PCSK5: variants seen among roughly 807,000 people sequenced by gnomAD.
PCSK5 encodes prohormone convertase 5.
A neutral mutation model predicts 233.2 loss-of-function variants in PCSK5; 129 were observed. That is an observed-to-expected ratio of 0.55 (90% CI 0.48 to 0.64). PCSK5 has a LOEUF of 0.64. Ranked by LOEUF, PCSK5 falls within the 30% of genes least tolerant of loss-of-function variation. The probability of loss-of-function intolerance (pLI) is 0.00; values close to 1 mark genes in which losing one functional copy is unlikely to be tolerated. For missense variants in PCSK5, 2,076 were observed against 2,430.1 expected, an observed-to-expected ratio of 0.85 and a Z score of 3.06; for synonymous variants, 825 against 879.2, an observed-to-expected ratio of 0.94 and a Z score of 1.09.
chr9:76,038,554 C>G (rs1023171307), intron 5 of PCSK5, among the ~76,000 whole-genome samples: 2 of 152,158 alleles, frequency 1.3e-5, no homozygotes, highest in Non-Finnish European at 2.9e-5. Flanking sequence ...ATACTTGAAA[C>G]AAAAGCACTT....
intron 2 of PCSK5, among the ~76,000 whole-genome samples, chr9:75,960,336 A>C (rs1259877800): frequency 6.6e-6 from 1 of 152,216 alleles, no homozygotes; most frequent in African/African-American, 2.4e-5. Flanking sequence ...ATTAGTTTGA[A>C]ACAACCAGAG....
intron 17 of PCSK5, among the ~76,000 whole-genome samples, chr9:76,185,674 C>T (rs1433502356): frequency 2.6e-5 from 4 of 152,066 alleles, no homozygotes; most frequent in Non-Finnish European, 5.9e-5. Context: ...AAAGAATTAG[C>T]CACCTAATTC....
At chr9:76,049,905 A>G (rs1176053041) in intron 5 of PCSK5, among the ~76,000 whole-genome samples, 2 of 152,228 alleles carry the variant, frequency 1.3e-5, no homozygotes, top group Non-Finnish European at 2.9e-5. Flanking sequence ...CAAATATTGA[A>G]TGGTATCTTT....
intron 21 of PCSK5, among the ~76,000 whole-genome samples, chr9:76,229,859 C>A (rs73460379): frequency 6.6e-6 from 1 of 152,122 alleles, no homozygotes; most frequent in Non-Finnish European, 1.5e-5. Context: ...TTCTTTCAGC[C>A]CTGTTTGGTC....
intron 20 of PCSK5, chr9:76,194,435 G>A (rs1203224680): frequency 2.6e-5 from 4 of 153,290 alleles, no homozygotes; most frequent in East Asian, 1.9e-4. Flanking sequence ...CTTATTAGAA[G>A]AAGTTTTTTC....
chr9:76,283,060 T>A (rs2131391362), intron 24 of PCSK5, among the ~76,000 whole-genome samples: 1 of 152,334 alleles, frequency 6.6e-6, no homozygotes, highest in African/African-American at 2.4e-5. Flanking sequence ...GACAAGAAAT[T>A]GGTTCTTATG....
At chr9:76,151,481 C>G (rs894796774) in intron 10 of PCSK5, among the ~76,000 whole-genome samples, 5 of 152,166 alleles carry the variant, frequency 3.3e-5, no homozygotes, top group African/African-American at 1.2e-4. Context: ...TCTCCCCTTC[C>G]CCTGCTGACC....
At chr9:76,241,335 G>A (rs975184221) in intron 24 of PCSK5, among the ~76,000 whole-genome samples, 21 of 152,148 alleles carry the variant, frequency 1.4e-4, no homozygotes, top group Admixed American at 2.0e-4. Flanking sequence ...CCAGCTATTC[G>A]GGAGGCTGAG....
chr9:76,150,812 C>A (rs544302758), intron 10 of PCSK5, among the ~76,000 whole-genome samples: 1 of 152,006 alleles, frequency 6.6e-6, no homozygotes, highest in African/African-American at 2.4e-5. Flanking sequence ...TATAAGAGTA[C>A]GCGAAGAAGA....
At chr9:75,953,808 A>G (rs573533388) in intron 2 of PCSK5, among the ~76,000 whole-genome samples, 1 of 151,378 alleles carries the variant, frequency 6.6e-6, no homozygotes, top group South Asian at 2.1e-4. Flanking sequence ...GAGTAATTAG[A>G]CCTTAGTAAA....
intron 2 of PCSK5, among the ~76,000 whole-genome samples, chr9:75,937,946 ATGT>A (rs1427177015): frequency 6.6e-6 from 1 of 152,202 alleles, no homozygotes; most frequent in Non-Finnish European, 1.5e-5. Flanking sequence ...GCTGAAGGAA[ATGT>A]TGTGGCTTGT....
In PCSK5 at chr9:75,982,315, A is replaced by G. The variant is rs377256327; in HGVS notation, c.298-3817A>G. Among the ~76,000 whole-genome samples, 13 of 152,252 alleles carry G rather than the reference A, an allele frequency of 8.5e-5. 1 individual carries two copies. Among genetic ancestry groups the G allele is most frequent in the South Asian group, 8.3e-4 (4 of 4,838 alleles). On this transcript the variant is annotated intron_variant, in intron 2 of 37. Transcript: ENST00000674117. ...AATAACCTCGCACATTCACATGTGTACATAGGTAGGATAAACTCCTAAAAA... is the reference window on the plus strand; with the variant it reads ...AATAACCTCGCACATTCACATGTGTGCATAGGTAGGATAAACTCCTAAAAA...
At chr9:76,353,841 G>A (rs778445445) in intron 36 of PCSK5, among the ~76,000 whole-genome samples, 192 bp from the exon 37 acceptor site, 1 of 152,184 alleles carries the variant, frequency 6.6e-6, no homozygotes, top group Non-Finnish European at 1.5e-5. Context: ...GGGCCCAGCC[G>A]TGATTCCACC....
intron 15 of PCSK5, among the ~76,000 whole-genome samples, chr9:76,180,135 G>A (rs7045212): frequency 0.86 from 128,826 of 149,260 alleles, 55,910 homozygotes; most frequent in African/African-American, 0.96. Flanking sequence ...ACGTACACAC[G>A]TTTTGGAACA....
At chr9:76,218,223 G>T (rs948599898) in intron 20 of PCSK5, among the ~76,000 whole-genome samples, 10 of 152,168 alleles carry the variant, frequency 6.6e-5, no homozygotes, top group African/African-American at 2.4e-4. Context: ...ATTTTCCACA[G>T]CACAGTGCAG....
chr9:76,265,606 T>C (rs1827310475), intron 24 of PCSK5, among the ~76,000 whole-genome samples: 1 of 152,136 alleles, frequency 6.6e-6, no homozygotes, highest in South Asian at 2.1e-4. Context: ...ATAAATGTAT[T>C]TATTAATATT....
At chr9:76,145,558 C>A (rs1453493913) in intron 10 of PCSK5, among the ~76,000 whole-genome samples, 1 of 152,202 alleles carries the variant, frequency 6.6e-6, no homozygotes, top group Non-Finnish European at 1.5e-5. Flanking sequence ...AGGAGAAACT[C>A]TCTTATTGAA....
At chr9:76,048,852 T>C (rs1829518466) in intron 5 of PCSK5, among the ~76,000 whole-genome samples, 1 of 152,230 alleles carries the variant, frequency 6.6e-6, no homozygotes, top group African/African-American at 2.4e-5. Context: ...GAATGATGCA[T>C]TGTATTTATT....
At chr9:76,007,401 CCATT>C (rs1386431908) in intron 3 of PCSK5, among the ~76,000 whole-genome samples, 10 of 152,084 alleles carry the variant, frequency 6.6e-5, no homozygotes, top group African/African-American at 2.2e-4. Flanking sequence ...CTACTAGTCT[CCATT>C]CATTTTGAGA....
Sources: allele counts gnomAD v4.1 joint callset (sites outside exome capture counted in the v4.1 genomes callset), GRCh38; gene constraint gnomAD v4.1.1; transcripts MANE v1.5; gene names NCBI Gene and HGNC (gene_info 2026-07-23, HGNC 2026-07-21).